Variants in CELSR3 observed in about 807,000 individuals in gnomAD.
The protein encoded by CELSR3 is cadherin EGF LAG seven-pass G-type receptor 3.
CELSR3 carries 73 observed loss-of-function variants against 270.0 expected under a neutral mutation model. The ratio of observed to expected loss-of-function variants is 0.27; its 90% CI spans 0.22 to 0.33. CELSR3 has a LOEUF of 0.33. Among genes scored for constraint, CELSR3 ranks in the 10% least tolerant of loss-of-function variants. The pLI, the probability that CELSR3 is intolerant of heterozygous loss-of-function variation, is 1.00. For synonymous variants in CELSR3, 1,780 were observed against 1,905.4 expected (o/e 0.93, Z 1.71); for missense variants, 3,614 against 4,533.8 (o/e 0.80, Z 5.83).
Position 48,656,693 on chromosome 3 carries a change from C to G in CELSR3, c.4399+5G>C. On this transcript the variant is annotated splice_donor_5th_base_variant and intron_variant, in intron 2 of 34. Transcript: ENST00000164024. Reference sequence around the variant, plus strand: ...CCCCCAGCTCTGGCCCGGCGCCCTGCTCACCGGTGAAGCGCGGGCGGCAGA... The same window carrying G: ...CCCCCAGCTCTGGCCCGGCGCCCTGGTCACCGGTGAAGCGCGGGCGGCAGA... The G allele has an allele frequency of 6.8e-7, 1 of 1,478,566 alleles. No homozygotes were observed. Among genetic ancestry groups the G allele is most frequent in the South Asian group, 1.4e-5 (1 of 72,328 alleles). The allele number at this position is 1,478,566 out of a possible 1,614,324, so 91.6% of individuals were successfully genotyped here. A position where few individuals can be genotyped will look rare whatever the true frequency, so the allele number is the denominator to read the frequency against.
In CELSR3 at chr3:48,661,239, C is replaced by T. The variant is rs1314641113; in HGVS notation, c.1396G>A (p.Ala466Thr). The change falls in exon 1 of 35, where the codon GCC becomes ACC. Residue 466 changes from alanine to threonine, a missense_variant. Physicochemically the swap from Ala to Thr is moderately conservative, Grantham distance 58. Around this residue, in one of 7 missense-constraint regions of CELSR3, gnomAD observed 354 missense variants for 500.9 expected, o/e 0.71. Transcript: ENST00000164024. ...CCCACGAAGCGGTAGCGCAGGTTGG[C>T]GTTGGGGGGCGCGTCGCCGTCAGTG... ...RATDGDAPPN[A>T]NLRYRFVGPP... 1 of 1,607,612 alleles carries T rather than the reference C, an allele frequency of 6.2e-7. No individual in the cohort carries two copies. The highest frequency in any genetic ancestry group is 8.5e-7 in the Non-Finnish European group (1 of 1,176,498).
chr3:48,647,070 G>A, intron 20 of CELSR3, 142 bp from the exon 21 acceptor site: 1 of 749,980 alleles, frequency 1.3e-6, no homozygotes, highest in Non-Finnish European at 2.0e-6. Flanking sequence ...AACCCAGAAA[G>A]TAACAGTCAA....
In CELSR3 at chr3:48,655,697, A is replaced by G; in HGVS notation, c.4741+39T>C. 6.5e-7 allele frequency: 1 copy of G among 1,549,964 alleles called. No homozygotes were observed. Among genetic ancestry groups the G allele is most frequent in the South Asian group, 1.1e-5 (1 of 89,808 alleles). On this transcript the variant is annotated intron_variant, in intron 4 of 34. Coordinates refer to ENST00000164024, the MANE Select transcript of CELSR3 (RefSeq NM_001407.3). This position sits in a 1 kb window ranked among gnomAD's most constrained non-coding sequence, Gnocchi z 5.8. Reference sequence around the variant, plus strand: ...GGACTTGGGCCCTGCGTCCTCCAGCACACACGCACCCTTTCGCCGTCACAT... The same window carrying G: ...GGACTTGGGCCCTGCGTCCTCCAGCGCACACGCACCCTTTCGCCGTCACAT...
In CELSR3 at chr3:48,662,823, C is replaced by G. The variant is rs1368132204; in HGVS notation, c.-189G>C. On this transcript the variant is annotated 5_prime_UTR_variant, in exon 1 of 35. Coordinates refer to ENST00000164024, the MANE Select transcript of CELSR3 (RefSeq NM_001407.3). This position sits in a 1 kb window ranked among gnomAD's most constrained non-coding sequence, Gnocchi z 7.1. ...CGGCCGGAGCCCCTCCGGCGTGCGG[C>G]CCTGGCTTTTTCCGCCCCCACCACA... 1 of 315,132 alleles carries G rather than the reference C, an allele frequency of 3.2e-6. No individual in the cohort carries two copies. The highest frequency in any genetic ancestry group is 5.8e-6 in the Non-Finnish European group (1 of 172,548). The allele number at this position is 315,132 out of a possible 1,614,324, so 19.5% of individuals were successfully genotyped here. A position where few individuals can be genotyped will look rare whatever the true frequency, so the allele number is the denominator to read the frequency against.
chr3:48,644,886 A>G lies in CELSR3; in HGVS notation c.7973-58T>C, dbSNP rs1254958357. 1 of 1,549,916 alleles carries G rather than the reference A, an allele frequency of 6.5e-7. No individual in the cohort carries two copies. Among genetic ancestry groups the G allele is most frequent in the East Asian group, 2.3e-5 (1 of 43,832 alleles). ...GTGTTCCAGAGCTGCTGACCAGCCC[A>G]TGTATGGGAGAAAGCATGGGTGAGG... On this transcript the variant is annotated intron_variant, in intron 25 of 34. Transcript: ENST00000164024. This position sits in a 1 kb window ranked among gnomAD's most constrained non-coding sequence, Gnocchi z 4.8.
At position 48,657,475 on chromosome 3, in the gene CELSR3, C is replaced by CACACACA. The variant is rs1177482903; in HGVS notation, c.3749-128_3749-127insTGTGTGT. 1.4e-5 allele frequency: 14 copies of CACACACA among 1,003,232 alleles called. No individual in the cohort carries two copies. Among genetic ancestry groups the CACACACA allele is most frequent in the Non-Finnish European group, 1.7e-5 (12 of 706,040 alleles). 62.1% of individuals were successfully genotyped at this position (1,003,232 alleles called of 1,614,324 possible). On this transcript the variant is annotated intron_variant, in intron 1 of 34. Coordinates refer to ENST00000164024, the MANE Select transcript of CELSR3 (RefSeq NM_001407.3). This position sits in a 1 kb window ranked among gnomAD's most constrained non-coding sequence, Gnocchi z 5.4. ...CTCTAAGTCAGCAGGCTGACCCCAC[C>CACACACA]AGGACACAAGGGAGTCTGGGGCTAG... is the stretch of plus-strand genomic sequence containing the variant.
Position 48,644,797 on chromosome 3 carries a change from A to G in CELSR3, c.8004T>C (p.Tyr2668=). 6.2e-7 allele frequency: 1 copy of G among 1,613,474 alleles called. No homozygotes were observed. The highest frequency in any genetic ancestry group is 8.5e-7 in the Non-Finnish European group (1 of 1,179,958). ...GLAVGLDPEG[Y]GNPDFCWISV... is the part of the protein sequence containing the mutation. ...AGATCCAGCAGAAGTCAGGGTTCCCATAGCCCTCAGGGTCCAGGCCCACAG... is the reference window on the plus strand; with the variant it reads ...AGATCCAGCAGAAGTCAGGGTTCCCGTAGCCCTCAGGGTCCAGGCCCACAG... Residue 2668 remains tyrosine (Y), a synonymous_variant, in exon 26 of 35, where the codon TAT becomes TAC. Coordinates refer to ENST00000164024, the MANE Select transcript of CELSR3 (RefSeq NM_001407.3). The surrounding 1 kb of genome is among the most constrained non-coding windows in gnomAD (Gnocchi z 4.8).
In CELSR3 at chr3:48,662,809, C is replaced by T. The variant is rs1401271019; in HGVS notation, c.-175G>A. On this transcript the variant is annotated 5_prime_UTR_variant, in exon 1 of 35. Coordinates refer to ENST00000164024, the MANE Select transcript of CELSR3 (RefSeq NM_001407.3). This position sits in a 1 kb window ranked among gnomAD's most constrained non-coding sequence, Gnocchi z 7.1. The stretch of plus-strand genomic sequence containing the variant: ...CACCATCTACTCCGCGGCCGGAGCC[C>T]CTCCGGCGTGCGGCCCTGGCTTTTT... The T allele has an allele frequency of 9.8e-6, 3 of 307,100 alleles. No individual in the cohort carries two copies. Among genetic ancestry groups the T allele is most frequent in the East Asian group, 6.1e-5 (1 of 16,292 alleles). 19.0% of individuals were successfully genotyped at this position (307,100 alleles called of 1,614,324 possible).
chr3:48,646,744 G>C lies in CELSR3; in HGVS notation c.7295+19C>G. ...GCTGAGAAGTTCGTAGGAAGCTCAG[G>C]GGTGAGGGGCCTGAGTACCTGGCAC... is the stretch of plus-strand genomic sequence containing the variant. On this transcript the variant is annotated intron_variant, in intron 21 of 34. Coordinates refer to ENST00000164024, the MANE Select transcript of CELSR3 (RefSeq NM_001407.3). The surrounding 1 kb of genome is among the most constrained non-coding windows in gnomAD (Gnocchi z 4.8). 2 of 1,599,240 alleles carry C rather than the reference G, an allele frequency of 1.3e-6. No individual in the cohort carries two copies. The highest frequency in any genetic ancestry group is 1.7e-6 in the Non-Finnish European group (2 of 1,172,674).
At position 48,643,534 on chromosome 3, in the gene CELSR3, G is replaced by C; in HGVS notation, c.8289+20C>G. The C allele has an allele frequency of 6.5e-7, 1 of 1,547,018 alleles. No individual in the cohort carries two copies. Among genetic ancestry groups the C allele is most frequent in the Non-Finnish European group, 8.7e-7 (1 of 1,144,686 alleles). On this transcript the variant is annotated intron_variant, in intron 28 of 34. Transcript: ENST00000164024. ...GAAGGCCCACCTGGTTCTGGGGCAA[G>C]GGAGGGGCACCAGAGTCACCTGGAG... is the stretch of plus-strand genomic sequence containing the variant.
In CELSR3 at chr3:48,662,784, C is replaced by T. The variant is rs2077080107; in HGVS notation, c.-150G>A. On this transcript the variant is annotated 5_prime_UTR_variant, in exon 1 of 35. Transcript: ENST00000164024. The surrounding 1 kb of genome is among the most constrained non-coding windows in gnomAD (Gnocchi z 7.1). The stretch of plus-strand genomic sequence containing the variant: ...CTCCGCACCCCCGCCGCCCTCTGGG[C>T]ACCATCTACTCCGCGGCCGGAGCCC... 1 of 310,012 alleles carries T rather than the reference C, an allele frequency of 3.2e-6. No individual in the cohort carries two copies. Among genetic ancestry groups the T allele is most frequent in the East Asian group, 5.7e-5 (1 of 17,596 alleles). 19.2% of individuals were successfully genotyped at this position (310,012 alleles called of 1,614,324 possible). A position where few individuals can be genotyped will look rare whatever the true frequency, so the allele number is the denominator to read the frequency against.
chr3:48,655,008 G>T lies in CELSR3; in HGVS notation c.4988+36C>A. On this transcript the variant is annotated intron_variant, in intron 6 of 34. Coordinates refer to ENST00000164024, the MANE Select transcript of CELSR3 (RefSeq NM_001407.3). The surrounding 1 kb of genome is among the most constrained non-coding windows in gnomAD (Gnocchi z 5.8). Reference sequence around the variant, plus strand: ...GAAGGGTTGGAGTGGGCTTTGGTAGGCAGGGGACAAGGGGACTAGGGGGCA... The same window carrying T: ...GAAGGGTTGGAGTGGGCTTTGGTAGTCAGGGGACAAGGGGACTAGGGGGCA... 1 of 1,602,876 alleles carries T rather than the reference G, an allele frequency of 6.2e-7. No individual in the cohort carries two copies. The highest frequency in any genetic ancestry group is 8.5e-7 in the Non-Finnish European group (1 of 1,170,124).
intron 2 of CELSR3, 112 bp downstream of exon 2, chr3:48,656,586 G>C: frequency 7.4e-7 from 1 of 1,348,710 alleles, no homozygotes; most frequent in South Asian, 1.6e-5. Context: ...GCCTAAGCGC[G>C]TCCATACCAG....
rs1332386508 is a variant in CELSR3 at position 48,650,224 on chromosome 3, GC to G, written c.6472+255del. On this transcript the variant is annotated intron_variant, in intron 16 of 34. Coordinates refer to ENST00000164024, the MANE Select transcript of CELSR3 (RefSeq NM_001407.3). The surrounding 1 kb of genome is among the most constrained non-coding windows in gnomAD (Gnocchi z 5.1). ...CAGGCAGCAGGAGGGGTCTGCAAAA[GC>G]TCTGGTAGTGGGAGGGGGCAGTGCA... is the stretch of plus-strand genomic sequence containing the variant. 1.3e-5 allele frequency: 8 copies of G among 606,538 alleles called. No homozygotes were observed. The highest frequency in any genetic ancestry group is 1.1e-4 in the African/African-American group (6 of 54,988). The allele number at this position is 606,538 out of a possible 1,614,324, so 37.6% of individuals were successfully genotyped here. A position where few individuals can be genotyped will look rare whatever the true frequency, so the allele number is the denominator to read the frequency against.
In CELSR3 at chr3:48,660,775, G is replaced by A. The variant is rs2077060264; in HGVS notation, c.1860C>T (p.Ile620=). 1.9e-6 allele frequency: 3 copies of A among 1,614,164 alleles called. No individual in the cohort carries two copies. Residue 620 remains isoleucine (I), a synonymous_variant, in exon 1 of 35, where the codon ATC becomes ATT. Transcript: ENST00000164024. This position sits in a 1 kb window ranked among gnomAD's most constrained non-coding sequence, Gnocchi z 5.5. The part of the protein sequence containing the change: ...FEAEREYALR[I]RAQDAGRPPL... ...GTGGCCGGCCAGCATCCTGCGCCCT[G>A]ATGCGCAAGGCATACTCTCTCTCTG...
Position 48,642,224 on chromosome 3 carries a change from T to C in CELSR3, c.8665+134A>G, listed in dbSNP as rs1163303908. 1.0e-6 allele frequency: 1 copy of C among 991,134 alleles called. No individual in the cohort carries two copies. The highest frequency in any genetic ancestry group is 2.8e-5 in the Admixed American group (1 of 36,006). 61.4% of individuals were successfully genotyped at this position (991,134 alleles called of 1,614,324 possible). A position where few individuals can be genotyped will look rare whatever the true frequency, so the allele number is the denominator to read the frequency against. On this transcript the variant is annotated intron_variant, in intron 31 of 34. Coordinates refer to ENST00000164024, the MANE Select transcript of CELSR3 (RefSeq NM_001407.3). This position sits in a 1 kb window ranked among gnomAD's most constrained non-coding sequence, Gnocchi z 6.1. Reference sequence around the variant, plus strand: ...GGAGAACCAGGGCTGGAGAGGTAGGTGCCTCCTGAGGCAGGGACCCTGGGG... The same window carrying C: ...GGAGAACCAGGGCTGGAGAGGTAGGCGCCTCCTGAGGCAGGGACCCTGGGG...
chr3:48,645,449 G>A lies in CELSR3; in HGVS notation c.7791C>T (p.His2597=), dbSNP rs762692142. Residue 2597 remains histidine (H), a synonymous_variant, in exon 24 of 35, where the codon CAC becomes CAT. Transcript: ENST00000164024. The surrounding 1 kb of genome is among the most constrained non-coding windows in gnomAD (Gnocchi z 5.4). ...CCTGGCCCTGATCCTGCACCTGATTGTGGGTCCTGTGAATCCCCAGCAGGA... is the reference window on the plus strand; with the variant it reads ...CCTGGCCCTGATCCTGCACCTGATTATGGGTCCTGTGAATCCCCAGCAGGA... ...LLFLLGIHRT[H]NQLVCTAVAI... is the part of the protein sequence containing the mutation. 7 of 1,612,894 alleles carry A rather than the reference G, an allele frequency of 4.3e-6. No homozygotes were observed. Among genetic ancestry groups the A allele is most frequent in the Non-Finnish European group, 5.9e-6 (7 of 1,180,014 alleles).
chr3:48,657,482 C>A lies in CELSR3; in HGVS notation c.3749-134G>T. On this transcript the variant is annotated intron_variant, in intron 1 of 34. Transcript: ENST00000164024. The surrounding 1 kb of genome is among the most constrained non-coding windows in gnomAD (Gnocchi z 5.4). The stretch of plus-strand genomic sequence containing the variant: ...TCAGCAGGCTGACCCCACCAGGACA[C>A]AAGGGAGTCTGGGGCTAGTGACCAC... 3 of 929,800 alleles carry A rather than the reference C, an allele frequency of 3.2e-6. No homozygotes were observed. Among genetic ancestry groups the A allele is most frequent in the Non-Finnish European group, 4.7e-6 (3 of 639,304 alleles). 57.6% of individuals were successfully genotyped at this position (929,800 alleles called of 1,614,324 possible).
chr3:48,646,699 A>G lies in CELSR3; in HGVS notation c.7295+64T>C. On this transcript the variant is annotated intron_variant, in intron 21 of 34. Transcript: ENST00000164024. This position sits in a 1 kb window ranked among gnomAD's most constrained non-coding sequence, Gnocchi z 4.8. ...GTGTTGTGAACCTACGCATCTACCC[A>G]CCAAAAAAGGGGCTGCCAGGCTGAG... 2 of 1,533,634 alleles carry G rather than the reference A, an allele frequency of 1.3e-6. No individual in the cohort carries two copies. The highest frequency in any genetic ancestry group is 1.4e-5 in the African/African-American group (1 of 71,888).
Sources: gnomAD v4.1 joint callset for allele counts on GRCh38, gnomAD v4.1.1 for gene constraint, gnomAD v4.1.1 regional missense constraint, Gnocchi (gnomAD v3.1) non-coding constraint, MANE v1.5 for transcripts, NCBI Gene and HGNC (gene_info 2026-07-23, HGNC 2026-07-21) for gene names.